WDFY4: variants seen among roughly 807,000 people sequenced by gnomAD.
The protein encoded by WDFY4 is WD repeat- and FYVE domain-containing protein 4.
Under a neutral mutation model 351.9 loss-of-function variants are expected in WDFY4, and 169 were observed. The observed-to-expected ratio is 0.48, with a 90% CI of 0.42 to 0.55. WDFY4 has a LOEUF of 0.55. Among genes scored for constraint, WDFY4 ranks in the 20% least tolerant of loss-of-function variants. The probability of loss-of-function intolerance (pLI) is 0.00; values close to 1 mark genes in which losing one functional copy is unlikely to be tolerated. For synonymous variants in WDFY4, 1,622 were observed against 1,574.6 expected (o/e 1.03, Z -0.71); for missense variants, 3,803 against 3,935.6 (o/e 0.97, Z 0.90).
At chr10:48,778,221 A>G (rs911039202) in intron 17 of WDFY4, among the ~76,000 whole-genome samples, 1 of 152,224 alleles carries the variant, frequency 6.6e-6, no homozygotes, top group Non-Finnish European at 1.5e-5. Context: ...AGGACACAGC[A>G]GCTGATCCTG....
intron 51 of WDFY4, among the ~76,000 whole-genome samples, chr10:48,949,292 C>T (rs985813770): frequency 1.3e-5 from 2 of 152,164 alleles, no homozygotes; most frequent in Non-Finnish European, 2.9e-5. Flanking sequence ...CTGGCCCGAG[C>T]CTTTGAACCA....
chr10:48,710,774 C>T (rs186817030), intron 2 of WDFY4, among the ~76,000 whole-genome samples: 5 of 152,336 alleles, frequency 3.3e-5, no homozygotes, highest in East Asian at 3.9e-4. Context: ...ACTCACATCC[C>T]GGTCACAGCT....
At chr10:48,968,384 A>G (rs1033254759) in intron 55 of WDFY4, 2 of 152,420 alleles carry the variant, frequency 1.3e-5, no homozygotes, top group East Asian at 1.9e-4. Flanking sequence ...TCCCTTCCCT[A>G]TGGGGAGAGA....
At chr10:48,728,486 G>A (rs900398703) in intron 7 of WDFY4, among the ~76,000 whole-genome samples, 1 of 152,216 alleles carries the variant, frequency 6.6e-6, no homozygotes, top group African/African-American at 2.4e-5. Flanking sequence ...TGCTGGGCGA[G>A]AATGAGACAC....
At chr10:48,685,860 A>G (rs981842697) in intron 1 of WDFY4, among the ~76,000 whole-genome samples, 7 of 145,324 alleles carry the variant, frequency 4.8e-5, no homozygotes, top group Non-Finnish European at 1.1e-4. Context: ...CTCTGGTCAA[A>G]GCGGACAGGG....
intron 40 of WDFY4, among the ~76,000 whole-genome samples, chr10:48,868,776 C>T (rs551781548): frequency 6.6e-6 from 1 of 152,260 alleles, no homozygotes; most frequent in South Asian, 2.1e-4. Context: ...ACCATTTCTG[C>T]TCCAATGGTT....
At chr10:48,855,890 A>C (rs989796059) in intron 39 of WDFY4, among the ~76,000 whole-genome samples, 10 of 152,080 alleles carry the variant, frequency 6.6e-5, no homozygotes, top group Non-Finnish European at 1.3e-4. Context: ...TATTGTTGTT[A>C]ATCTCTTTCT....
At chr10:48,807,473 A>G (rs2067297754) in intron 27 of WDFY4, among the ~76,000 whole-genome samples, 1 of 152,240 alleles carries the variant, frequency 6.6e-6, no homozygotes, top group African/African-American at 2.4e-5. Flanking sequence ...AACAAAGAGA[A>G]CAAAGACCAT....
rs547962975 is a variant in WDFY4, at chr10:48,830,915, G to A, written c.6526+30G>A. On this transcript the variant is annotated intron_variant, in intron 38 of 61. Coordinates refer to ENST00000325239, the MANE Select transcript of WDFY4 (RefSeq NM_001394531.1). ...CTATCCACTCGGCTCCAGGGAATGGGAACTCCTGGGTCTCACAGAGCCAGA... is the reference window on the plus strand; with the variant it reads ...CTATCCACTCGGCTCCAGGGAATGGAAACTCCTGGGTCTCACAGAGCCAGA... 2.4e-5 allele frequency: 37 copies of A among 1,538,530 alleles called. No individual in the cohort carries two copies. The African/African-American group carries it at 4.7e-4, about 19-fold the overall frequency.
intron 12 of WDFY4, among the ~76,000 whole-genome samples, chr10:48,750,271 A>G (rs1033706326): frequency 1.3e-5 from 2 of 152,188 alleles, no homozygotes; most frequent in Non-Finnish European, 2.9e-5. Context: ...GAAGGCACAG[A>G]TGTGACCCTG....
intron 47 of WDFY4, chr10:48,909,524 A>G (rs560838490): frequency 1.1e-4 from 17 of 152,306 alleles, no homozygotes; most frequent in Non-Finnish European, 2.2e-4. Flanking sequence ...GGTTCTTACA[A>G]GCTGTACAGG....
intron 42 of WDFY4, among the ~76,000 whole-genome samples, chr10:48,876,223 C>A (rs1007093176): frequency 6.6e-6 from 1 of 152,168 alleles, no homozygotes; most frequent in African/African-American, 2.4e-5. Flanking sequence ...TGAGGGTTTG[C>A]GTGAGCAGCA....
At chr10:48,793,970 G>C (rs2066768333) in intron 23 of WDFY4, among the ~76,000 whole-genome samples, 1 of 152,162 alleles carries the variant, frequency 6.6e-6, no homozygotes, top group Non-Finnish European at 1.5e-5. Flanking sequence ...TTAATATGGG[G>C]AAAGAGGAGG....
chr10:48,958,277 G>A (rs1276875726), intron 52 of WDFY4, among the ~76,000 whole-genome samples: 1 of 152,228 alleles, frequency 6.6e-6, no homozygotes, highest in Non-Finnish European at 1.5e-5. Context: ...CCTTGGTGGT[G>A]TTCAAATCGT....
At chr10:48,906,286 A>C (rs540817856) in intron 47 of WDFY4, among the ~76,000 whole-genome samples, 5 of 152,010 alleles carry the variant, frequency 3.3e-5, no homozygotes, top group African/African-American at 1.2e-4. Context: ...GCTCCTTTGG[A>C]CACCATCCCA....
chr10:48,831,020 T>G (rs2068171999), intron 38 of WDFY4, 135 bp downstream of exon 38: 13 of 842,836 alleles, frequency 1.5e-5, no homozygotes. Flanking sequence ...ATGGGATTTA[T>G]ATCACTGAAA....
At chr10:48,821,923 G>T (rs1228863590) in intron 34 of WDFY4, among the ~76,000 whole-genome samples, 1 of 152,206 alleles carries the variant, frequency 6.6e-6, no homozygotes, top group East Asian at 1.9e-4. Context: ...GACAGTCGTG[G>T]TGAACTCACA....
rs73298929 is a variant in WDFY4, at chr10:48,960,384, C to T, written c.8223+571C>T. On this transcript the variant is annotated intron_variant, in intron 53 of 61. Transcript: ENST00000325239. Reference sequence around the variant, plus strand: ...AGATGAGATGCTATGACATACCCACCGGAGTGGCTTAAATTTAAAAGACCA... The same window carrying T: ...AGATGAGATGCTATGACATACCCACTGGAGTGGCTTAAATTTAAAAGACCA... 2.1e-3 allele frequency among the ~76,000 whole-genome samples: 314 copies of T among 152,186 alleles called. 1 individual carries two copies. Among genetic ancestry groups the T allele is most frequent in the African/African-American group, 6.9e-3 (285 of 41,500 alleles).
intron 57 of WDFY4, among the ~76,000 whole-genome samples, chr10:48,974,022 G>A (rs1842445106): frequency 6.6e-6 from 1 of 152,158 alleles, no homozygotes; most frequent in African/African-American, 2.4e-5. Flanking sequence ...GGCTCTCAAA[G>A]TTGGGCACAT....
Sources: gnomAD v4.1 joint callset for allele counts (sites outside exome capture counted in the v4.1 genomes callset) on GRCh38, gnomAD v4.1.1 for gene constraint, MANE v1.5 for transcripts, NCBI Gene and HGNC (gene_info 2026-07-23, HGNC 2026-07-21) for gene names.